Variants in CCDC61 observed in about 807,000 individuals in gnomAD.
CCDC61 encodes centrosomal protein CCDC61.
In CCDC61, 55 loss-of-function variants were observed where a neutral mutation model predicts 63.0. The observed-to-expected ratio is 0.87, with a 90% confidence interval of 0.70 to 1.09. The LOEUF (loss-of-function observed/expected upper bound fraction) is 1.09. Ranked by LOEUF, CCDC61 falls within the 50% of genes least tolerant of loss-of-function variation. The pLI is 0.00. For synonymous variants in CCDC61, 270 were observed against 317.0 expected, an observed-to-expected ratio of 0.85 and a Z score of 1.58; for missense variants, 651 against 731.4, an observed-to-expected ratio of 0.89 and a Z score of 1.27.
At chr19:46,007,600 G>A (rs1039811149) in intron 4 of CCDC61, among the ~76,000 whole-genome samples, 77 of 152,178 alleles carry the variant, frequency 5.1e-4, no homozygotes, top group African/African-American at 1.8e-3. Flanking sequence ...AGCCTTTATA[G>A]GGGGAGGGTA....
intron 1 of CCDC61, chr19:46,000,189 T>G (rs1600639347): frequency 2.6e-5 from 7 of 268,058 alleles, no homozygotes; most frequent in African/African-American, 1.2e-4. Flanking sequence ...GGAAGAGAGG[T>G]GGAAAATATG....
At chr19:45,997,913 C>A (rs1968523821) in intron 1 of CCDC61, among the ~76,000 whole-genome samples, 1 of 152,066 alleles carries the variant, frequency 6.6e-6, no homozygotes. Context: ...TTTCGAACTC[C>A]TGACCTCAAG....
chr19:46,012,524 G>A (rs909772827), intron 5 of CCDC61, among the ~76,000 whole-genome samples: 26 of 152,132 alleles, frequency 1.7e-4, no homozygotes, highest in East Asian at 7.7e-4. Flanking sequence ...GCGCATGCCT[G>A]TAGCCCCAGC....
Position 46,016,231 on chromosome 19 carries a change from C to A in CCDC61, c.1015+8C>A. 1.9e-5 allele frequency: 30 copies of A among 1,565,328 alleles called. No individual in the cohort carries two copies. The highest frequency in any genetic ancestry group is 2.6e-5 in the Non-Finnish European group (30 of 1,157,510). On this transcript the variant is annotated splice_region_variant and intron_variant, in intron 8 of 13. Transcript: ENST00000595358. This position sits in a 1 kb window ranked among gnomAD's most constrained non-coding sequence, Gnocchi z 7.2. ...CCTCGCCCTCGCCCACAGGTCTGTG[C>A]CCCTGCCCTGCGGTAGGGAGGGGAC...
At position 46,016,101 on chromosome 19, in the gene CCDC61, C is replaced by T; in HGVS notation, c.893C>T (p.Ala298Val). 8.1e-7 allele frequency: 1 copy of T among 1,237,588 alleles called. No homozygotes were observed. The highest frequency in any genetic ancestry group is 1.0e-6 in the Non-Finnish European group (1 of 992,316). 76.7% of individuals were successfully genotyped at this position (1,237,588 alleles called of 1,614,324 possible). A position where few individuals can be genotyped will look rare whatever the true frequency, so the allele number is the denominator to read the frequency against. Residue 298 changes from alanine (A) to valine (V), a missense_variant, in exon 8 of 14, where the codon GCC (alanine) becomes GTC (valine). Ala to Val is a moderately conservative substitution (Grantham distance 64). Transcript: ENST00000595358. The surrounding 1 kb of genome is among the most constrained non-coding windows in gnomAD (Gnocchi z 7.2). ...CCGCCCCCGACGCGGGAGGACCGGG[C>T]CTCATCGTCCCGGGAGCGCTCCGCG... ...VQPPPTREDR[A>V]SSSRERSASR...
Position 46,016,504 on chromosome 19 carries a change from C to A in CCDC61, c.1091+111C>A. 7.0e-7 allele frequency: 1 copy of A among 1,420,978 alleles called. No homozygotes were observed. The highest frequency in any genetic ancestry group is 9.7e-7 in the Non-Finnish European group (1 of 1,030,254). 88.0% of individuals were successfully genotyped at this position (1,420,978 alleles called of 1,614,324 possible). On this transcript the variant is annotated intron_variant, in intron 9 of 13. Transcript: ENST00000595358. This position sits in a 1 kb window ranked among gnomAD's most constrained non-coding sequence, Gnocchi z 7.2. ...TCCATCCCCTGCCACCTGCTCGCTT[C>A]TCGCCGGATACCCCGCCTGCTCTCC...
At chr19:46,007,205 C>A (rs939260779) in intron 4 of CCDC61, among the ~76,000 whole-genome samples, 2 of 152,000 alleles carry the variant, frequency 1.3e-5, no homozygotes, top group African/African-American at 4.8e-5. Context: ...CCCACAACCA[C>A]GCCTGGCTAA....
In CCDC61 at chr19:46,015,527, G is replaced by C. The variant is rs1600654363; in HGVS notation, c.845+100G>C. ...TAAGGGGGCGGGGCGGGGCCAGGTA[G>C]GGTGGAGGGGGCGGGGCTGAAGGGG... On this transcript the variant is annotated intron_variant, in intron 7 of 13. Transcript: ENST00000595358. The surrounding 1 kb of genome is among the most constrained non-coding windows in gnomAD (Gnocchi z 5.3). 1 of 796,778 alleles carries C rather than the reference G, an allele frequency of 1.3e-6. No individual in the cohort carries two copies. The highest frequency in any genetic ancestry group is 1.9e-6 in the Non-Finnish European group (1 of 532,488). The allele number at this position is 796,778 out of a possible 1,614,324, so 49.4% of individuals were successfully genotyped here. A position where few individuals can be genotyped will look rare whatever the true frequency, so the allele number is the denominator to read the frequency against.
rs548844477 is a variant in CCDC61 at position 46,009,975 on chromosome 19, G to T, written c.551+1674G>T. Among the ~76,000 whole-genome samples the T allele has an allele frequency of 1.6e-3, 249 of 152,296 alleles. 4 individuals are homozygous for T. The highest frequency in any genetic ancestry group is 0.014 in the Middle Eastern group (4 of 294). On this transcript the variant is annotated intron_variant, in intron 5 of 13. Transcript: ENST00000595358. Reference sequence around the variant, plus strand: ...ACCACAGGAGCCTTGAGATCCCACCGCTGCTCAGTGGCTTCTTATCTTCCT... The same window carrying T: ...ACCACAGGAGCCTTGAGATCCCACCTCTGCTCAGTGGCTTCTTATCTTCCT...
At chr19:46,005,594 C>G (rs1211652826) in intron 3 of CCDC61, among the ~76,000 whole-genome samples, 1 of 152,046 alleles carries the variant, frequency 6.6e-6, no homozygotes, top group Non-Finnish European at 1.5e-5. Context: ...TCTGTGAACA[C>G]CGAGAAGCTA....
chr19:46,013,797 C>T (rs1232158562), intron 5 of CCDC61, among the ~76,000 whole-genome samples: 2 of 150,506 alleles, frequency 1.3e-5, no homozygotes, highest in African/African-American at 2.5e-5. Flanking sequence ...ACCCGGGAGG[C>T]AGAGGTTGCA....
rs143358806 is a variant in CCDC61 at position 45,997,357 on chromosome 19, A to G, written c.-12+1853A>G. Among the ~76,000 whole-genome samples the G allele has an allele frequency of 4.8e-3, 729 of 152,082 alleles. 7 individuals carry two copies. Among genetic ancestry groups the G allele is most frequent in the African/African-American group, 0.016 (677 of 41,448 alleles). The stretch of plus-strand genomic sequence containing the variant: ...ACTGTATGGCCCTTCACTTGGCTTT[A>G]TTTTTCTTCATAACACCACTACCTG... On this transcript the variant is annotated intron_variant, in intron 1 of 13. Coordinates refer to ENST00000595358, the MANE Select transcript of CCDC61 (RefSeq NM_001267723.2).
rs1968899515 is a variant in CCDC61 at position 46,015,107 on chromosome 19, G to C, written c.610G>C (p.Glu204Gln). ...ELEAQLGRSR[E>Q]EALAGRAARQ... ...GGAGGCGCAGCTGGGCCGATCGCGC[G>C]AGGAGGCGCTGGCCGGGCGCGCGGC... The change falls in exon 6 of 14, where the codon GAG (glutamate) becomes CAG (glutamine). Residue 204 changes from glutamate to glutamine, a missense_variant. Coordinates refer to ENST00000595358, the MANE Select transcript of CCDC61 (RefSeq NM_001267723.2). This position sits in a 1 kb window ranked among gnomAD's most constrained non-coding sequence, Gnocchi z 5.3. 1.5e-6 allele frequency: 2 copies of C among 1,336,918 alleles called. No homozygotes were observed. Among genetic ancestry groups the C allele is most frequent in the Non-Finnish European group, 9.6e-7 (1 of 1,045,640 alleles). 82.8% of individuals were successfully genotyped at this position (1,336,918 alleles called of 1,614,324 possible). A position where few individuals can be genotyped will look rare whatever the true frequency, so the allele number is the denominator to read the frequency against.
rs906755704 is a variant in CCDC61 at position 46,015,492 on chromosome 19, A to C, written c.845+65A>C. On this transcript the variant is annotated intron_variant, in intron 7 of 13. Transcript: ENST00000595358. The surrounding 1 kb of genome is among the most constrained non-coding windows in gnomAD (Gnocchi z 5.3). ...GGCCCTGAGGGTGTGGAGGCTGATG[A>C]GGCGGAGCCTAAGGGGGCGGGGCGG... 2.5e-5 allele frequency: 18 copies of C among 712,516 alleles called. No individual in the cohort carries two copies. Among genetic ancestry groups the C allele is most frequent in the Non-Finnish European group, 2.9e-5 (17 of 578,018 alleles). 44.1% of individuals were successfully genotyped at this position (712,516 alleles called of 1,614,324 possible).
chr19:46,006,581 A>G lies in CCDC61; in HGVS notation c.254A>G (p.Asp85Gly). The change falls in exon 4 of 14, where the codon GAC becomes GGC. Residue 85 changes from aspartate (D) to glycine (G), a missense_variant. Transcript: ENST00000595358. ...LTQSSESVTL[D>G]LLTYTDLESL... ...CAGAGTAGTGAGTCAGTCACCCTGG[A>G]CCTGCTGACCTACACAGACCTGGAG... 1.2e-6 allele frequency: 2 copies of G among 1,605,364 alleles called. No homozygotes were observed. The highest frequency in any genetic ancestry group is 2.2e-5 in the South Asian group (2 of 90,242).
chr19:46,003,832 T>TGA, intron 3 of CCDC61, among the ~76,000 whole-genome samples: 1 of 148,568 alleles, frequency 6.7e-6, no homozygotes, highest in Non-Finnish European at 1.5e-5. Flanking sequence ...TGTGTGTGTG[T>TGA]GTGTGTGTGT....
chr19:46,016,953 A>G lies in CCDC61; in HGVS notation c.1232-38A>G. The G allele has an allele frequency of 1.9e-6, 3 of 1,579,058 alleles. No individual in the cohort carries two copies. The highest frequency in any genetic ancestry group is 1.7e-6 in the Non-Finnish European group (2 of 1,164,324). On this transcript the variant is annotated intron_variant, in intron 10 of 13. Transcript: ENST00000595358. The surrounding 1 kb of genome is among the most constrained non-coding windows in gnomAD (Gnocchi z 7.2). The stretch of plus-strand genomic sequence containing the variant: ...GGCCTGGGAAGCACTGGGCGGGGCC[A>G]GCGAGGGCCAGCGGTCACGCCCTCC...
At chr19:46,001,873 G>T (rs1024381551) in intron 1 of CCDC61, among the ~76,000 whole-genome samples, 1 of 152,100 alleles carries the variant, frequency 6.6e-6, no homozygotes, top group African/African-American at 2.4e-5. Context: ...ACTCTAAAAA[G>T]GTTAAAAATC....
chr19:46,009,170 G>C (rs2146472792), intron 5 of CCDC61, among the ~76,000 whole-genome samples: 1 of 152,258 alleles, frequency 6.6e-6, no homozygotes. Context: ...TGTAGGCAGA[G>C]GGAACAGCCT....
Sources: gnomAD v4.1 joint callset for allele counts (sites outside exome capture counted in the v4.1 genomes callset) on GRCh38, gnomAD v4.1.1 for gene constraint, Gnocchi (gnomAD v3.1) non-coding constraint, MANE v1.5 for transcripts, NCBI Gene and HGNC (gene_info 2026-07-23, HGNC 2026-07-21) for gene names.